The following NR4A3 variants were observed in gnomAD, a reference collection of about 807,000 sequenced individuals.
NR4A3 encodes the protein nuclear receptor subfamily 4 group A member 3.
A neutral mutation model predicts 55.6 loss-of-function variants in NR4A3; 13 were observed. The ratio of observed to expected loss-of-function variants is 0.23; its 90% CI spans 0.15 to 0.37. The LOEUF is 0.37. Among genes scored for constraint, NR4A3 ranks in the 10% least tolerant of loss-of-function variants. The pLI is 1.00. For missense variants in NR4A3, 646 were observed against 822.8 expected (o/e 0.79, Z 2.63); for synonymous variants, 342 against 357.9 (o/e 0.96, Z 0.50).
intron 3 of NR4A3, among the ~76,000 whole-genome samples, chr9:99,830,791 GA>G (rs1468328154): frequency 6.6e-6 from 1 of 151,934 alleles, no homozygotes; most frequent in Non-Finnish European, 1.5e-5. Flanking sequence ...CAGAAAGGGG[GA>G]AAGAAAAAAA....
In NR4A3 at chr9:99,863,915, GCTACGCAGCAAA is replaced by G. The variant is rs759338125; in HGVS notation, c.*49_*60del. 2.3e-4 allele frequency: 365 copies of G among 1,571,634 alleles called. 2 individuals are homozygous for G. In the African/African-American group the frequency reaches 4.3e-3, roughly 18 times the overall value. ...CTGCCTCCTCTCCTAGCACCTGCTT[GCTACGCAGCAAA>G]GGGATAGGTTTGGAAACCTATCATT... On this transcript the variant is annotated 3_prime_UTR_variant, in exon 8 of 8. Coordinates refer to ENST00000395097, the MANE Select transcript of NR4A3 (RefSeq NM_006981.4).
At chr9:99,852,551 TACAGAAATAGGGGA>T (rs1282489904) in intron 7 of NR4A3, among the ~76,000 whole-genome samples, 2 of 152,192 alleles carry the variant, frequency 1.3e-5, no homozygotes, top group African/African-American at 4.8e-5. Flanking sequence ...GCTTTTCCTG[TACAGAAATAGGGGA>T]AATAAGATTG....
Position 99,828,490 on chromosome 9 carries a change from C to G in NR4A3, c.448C>G (p.Pro150Ala). The change falls in exon 3 of 8, where the codon CCG becomes GCG. Residue 150 changes from proline (P) to alanine (A), a missense_variant. Pro to Ala is a conservative substitution (Grantham distance 27). Around this residue, in one of 5 missense-constraint regions of NR4A3, gnomAD observed 426 missense variants for 429.4 expected, o/e 0.99. Transcript: ENST00000395097. The surrounding 1 kb of genome is among the most constrained non-coding windows in gnomAD (Gnocchi z 7.7). The stretch of plus-strand genomic sequence containing the variant: ...CACCCCCACCACGCCGGCCTTCCCC[C>G]CGCAGGCGGGGGCGTTATGGGACGA... ...PSTPTTPAFP[P>A]QAGALWDEAL... 6.3e-7 allele frequency: 1 copy of G among 1,581,768 alleles called. No individual in the cohort carries two copies. The highest frequency in any genetic ancestry group is 8.6e-7 in the Non-Finnish European group (1 of 1,165,426).
intron 5 of NR4A3, among the ~76,000 whole-genome samples, chr9:99,836,182 C>T (rs1374134451): frequency 6.6e-6 from 1 of 152,172 alleles, no homozygotes; most frequent in African/African-American, 2.4e-5. Context: ...ATGTCAGTAT[C>T]AACATTCAGA....
At chr9:99,824,404 A>G (rs770389462) in intron 1 of NR4A3, among the ~76,000 whole-genome samples, 13 of 152,194 alleles carry the variant, frequency 8.5e-5, no homozygotes, top group Admixed American at 3.9e-4. Context: ...GGAGACCCCC[A>G]TTGAAGATGC....
rs1280873421 is a variant in NR4A3, at chr9:99,828,100, C to A, written c.58C>A (p.Gln20Lys). The A allele has an allele frequency of 6.2e-7, 1 of 1,614,136 alleles. No individual in the cohort carries two copies. The highest frequency in any genetic ancestry group is 1.1e-5 in the South Asian group (1 of 91,086). Residue 20 changes from glutamine (Q) to lysine (K), a missense_variant, in exon 3 of 8, where the codon CAG (glutamine) becomes AAG (lysine). This residue lies in a region of NR4A3 where 426 missense variants were observed against 429.4 expected (regional missense o/e 0.99). Coordinates refer to ENST00000395097, the MANE Select transcript of NR4A3 (RefSeq NM_006981.4). The surrounding 1 kb of genome is among the most constrained non-coding windows in gnomAD (Gnocchi z 7.7). ...CCCTCCAGGTTCCAGTTATGCGGCG[C>A]AGACATACAGCTCGGAATACACCAC... is the stretch of plus-strand genomic sequence containing the variant. ...PSPPGSSYAA[Q>K]TYSSEYTTEI... is the part of the protein sequence containing the mutation.
At chr9:99,843,427 T>A (rs1344502131) in intron 5 of NR4A3, among the ~76,000 whole-genome samples, 1 of 152,202 alleles carries the variant, frequency 6.6e-6, no homozygotes, top group Non-Finnish European at 1.5e-5. Flanking sequence ...CTCACAGAAA[T>A]TCATCAACAG....
chr9:99,824,958 C>G (rs115142997), intron 1 of NR4A3, among the ~76,000 whole-genome samples: 12 of 152,214 alleles, frequency 7.9e-5, no homozygotes. Context: ...GACCTGCCTC[C>G]GCTCGTCCCA....
chr9:99,848,913 T>C (rs997309071), intron 7 of NR4A3, among the ~76,000 whole-genome samples: 1 of 151,934 alleles, frequency 6.6e-6, no homozygotes, highest in African/African-American at 2.4e-5. Context: ...TGACAGAGGG[T>C]GGGGGCTCCA....
intron 6 of NR4A3, among the ~76,000 whole-genome samples, chr9:99,845,965 C>A (rs549100471): frequency 6.6e-6 from 1 of 152,162 alleles, no homozygotes; most frequent in Non-Finnish European, 1.5e-5. Context: ...ATCTATTAGG[C>A]ATGCAACAAA....
At chr9:99,857,588 C>T (rs901706801) in intron 7 of NR4A3, among the ~76,000 whole-genome samples, 4 of 151,936 alleles carry the variant, frequency 2.6e-5, no homozygotes, top group Admixed American at 2.0e-4. Flanking sequence ...AGATGGACAC[C>T]ATCCTGGCCA....
At chr9:99,836,716 G>A (rs917490145) in intron 5 of NR4A3, among the ~76,000 whole-genome samples, 47 of 152,328 alleles carry the variant, frequency 3.1e-4, no homozygotes, top group African/African-American at 1.0e-3. Context: ...AGCTGCTGTG[G>A]AAGTGTGAGT....
intron 5 of NR4A3, 179 bp downstream of exon 5, chr9:99,833,633 T>G: frequency 6.3e-7 from 1 of 1,596,270 alleles, no homozygotes; most frequent in African/African-American, 1.3e-5. Flanking sequence ...AAATAATTTT[T>G]GCCTTATTGA....
At position 99,856,217 on chromosome 9, in the gene NR4A3, C is replaced by G. The variant is rs144037824; in HGVS notation, c.1634-7403C>G. 1.5e-4 allele frequency among the ~76,000 whole-genome samples: 23 copies of G among 151,746 alleles called. No individual in the cohort carries two copies. The East Asian group carries it at 3.9e-3, about 26-fold the overall frequency. On this transcript the variant is annotated intron_variant, in intron 7 of 7. Coordinates refer to ENST00000395097, the MANE Select transcript of NR4A3 (RefSeq NM_006981.4). ...CACCATAATGTAAAATCGGTGGGAA[C>G]CCTGAGCTCATTTTCCTGCAACTAG...
intron 5 of NR4A3, among the ~76,000 whole-genome samples, chr9:99,844,316 A>T (rs990050904): frequency 1.3e-5 from 2 of 152,116 alleles, no homozygotes; most frequent in Non-Finnish European, 2.9e-5. Flanking sequence ...AGACCAATTA[A>T]ATGAGAATCT....
intron 7 of NR4A3, among the ~76,000 whole-genome samples, chr9:99,857,148 C>G (rs1827940920): frequency 6.6e-6 from 1 of 151,958 alleles, no homozygotes; most frequent in African/African-American, 2.4e-5. Flanking sequence ...GATATAAATG[C>G]AAGGAACATC....
At position 99,838,286 on chromosome 9, in the gene NR4A3, C is replaced by T. The variant is rs543245127; in HGVS notation, c.1254+4832C>T. Among the ~76,000 whole-genome samples, 5 of 152,258 alleles carry T rather than the reference C, an allele frequency of 3.3e-5. No individual in the cohort carries two copies. In the East Asian group the frequency reaches 7.7e-4, roughly 24 times the overall value. On this transcript the variant is annotated intron_variant, in intron 5 of 7. Transcript: ENST00000395097. ...TAGGATGTTTTCTGGTAATCAGTGC[C>T]ACTTAACGGAGTAACAGACTTGCAA...
intron 7 of NR4A3, among the ~76,000 whole-genome samples, chr9:99,848,579 A>C (rs1349457505): frequency 6.6e-6 from 1 of 152,176 alleles, no homozygotes; most frequent in Non-Finnish European, 1.5e-5. Context: ...TCCTGACCTC[A>C]ATTGATCTAC....
rs1827349346 is a variant in NR4A3 at position 99,828,211 on chromosome 9, A to G, written c.169A>G (p.Ser57Gly). The G allele has an allele frequency of 6.2e-7, 1 of 1,614,054 alleles. No homozygotes were observed. The highest frequency in any genetic ancestry group is 8.5e-7 in the Non-Finnish European group (1 of 1,179,984). ...ITATATTSLP[S>G]ISTFVEGYSS... ...GGCTACAGCCACCACGTCCCTGCCC[A>G]GCATCAGTACCTTCGTGGAGGGCTA... The change falls in exon 3 of 8, where the codon AGC becomes GGC. Residue 57 changes from serine to glycine, a missense_variant. Transcript: ENST00000395097. This position sits in a 1 kb window ranked among gnomAD's most constrained non-coding sequence, Gnocchi z 7.7.
Sources: allele counts gnomAD v4.1 joint callset (sites outside exome capture counted in the v4.1 genomes callset), GRCh38; gene constraint gnomAD v4.1.1; regional missense constraint gnomAD v4.1.1; non-coding constraint Gnocchi (gnomAD v3.1); transcripts MANE v1.5; gene names NCBI Gene and HGNC (gene_info 2026-07-23, HGNC 2026-07-21).